ZNF644: variants seen among roughly 807,000 people sequenced by gnomAD.
ZNF644 encodes zinc finger protein 644.
Under a neutral mutation model 108.0 loss-of-function variants are expected in ZNF644, and 20 were observed. The ratio of observed to expected loss-of-function variants is 0.19; its 90% CI spans 0.13 to 0.27. The LOEUF (loss-of-function observed/expected upper bound fraction) is 0.27. Ranked by LOEUF, ZNF644 falls within the 10% of genes least tolerant of loss-of-function variation. The pLI is 1.00. For synonymous variants in ZNF644, 542 were observed against 539.1 expected (o/e 1.01, Z -0.08); for missense variants, 1,338 against 1,548.9 (o/e 0.86, Z 2.29).
intron 1 of ZNF644, chr1:91,020,897 T>G (rs1288649007): frequency 6.6e-6 from 1 of 152,224 alleles, no homozygotes; most frequent in Non-Finnish European, 1.5e-5. Flanking sequence ...CGCCCCCAAT[T>G]ATGTTTATCC....
At chr1:90,992,945 A>G (rs1657787407) in intron 1 of ZNF644, among the ~76,000 whole-genome samples, 1 of 152,104 alleles carries the variant, frequency 6.6e-6, no homozygotes, top group Non-Finnish European at 1.5e-5. Flanking sequence ...TCAAGAGGCC[A>G]AGGCAGGAGG....
chr1:90,946,201 T>C (rs17131246), intron 2 of ZNF644, among the ~76,000 whole-genome samples: 17,826 of 152,056 alleles, frequency 0.12, 1,086 homozygotes, highest in South Asian at 0.16. Flanking sequence ...TACAAACATA[T>C]ATACCTAAAT....
intron 2 of ZNF644, among the ~76,000 whole-genome samples, chr1:90,955,238 A>C (rs558180086): frequency 6.6e-6 from 1 of 152,346 alleles, no homozygotes; most frequent in South Asian, 2.1e-4. Context: ...TCATTTATAG[A>C]GCACAGGTAG....
intron 1 of ZNF644, among the ~76,000 whole-genome samples, chr1:90,987,595 CA>C (rs1210327622): frequency 6.6e-6 from 1 of 151,890 alleles, no homozygotes; most frequent in Non-Finnish European, 1.5e-5. Flanking sequence ...AGAATTCTAC[CA>C]GACATTTAAA....
intron 2 of ZNF644, among the ~76,000 whole-genome samples, 165 bp from the exon 3 acceptor site, chr1:90,941,474 T>C (rs1433909593): frequency 6.6e-6 from 1 of 152,138 alleles, no homozygotes; most frequent in African/African-American, 2.4e-5. Flanking sequence ...ATTGAAATAT[T>C]TAAAAAGCAC....
At chr1:91,018,540 T>TA (rs1660621258) in intron 1 of ZNF644, among the ~76,000 whole-genome samples, 1 of 152,194 alleles carries the variant, frequency 6.6e-6, no homozygotes, top group Non-Finnish European at 1.5e-5. Context: ...GAAAACAGTT[T>TA]AAAAAATGGT....
At chr1:91,004,936 A>G (rs1394609284) in intron 1 of ZNF644, among the ~76,000 whole-genome samples, 1 of 152,142 alleles carries the variant, frequency 6.6e-6, no homozygotes. Context: ...CCCAAAAAAC[A>G]ATGAGACACA....
At chr1:91,019,440 C>T (rs151243380) in intron 1 of ZNF644, among the ~76,000 whole-genome samples, 1 of 152,290 alleles carries the variant, frequency 6.6e-6, no homozygotes, top group African/African-American at 2.4e-5. Flanking sequence ...TGGGTCAAGA[C>T]TGCATTTGGA....
chr1:90,938,039 C>A lies in ZNF644; in HGVS notation c.3134G>T (p.Gly1045Val). 6.2e-7 allele frequency: 1 copy of A among 1,610,658 alleles called. No homozygotes were observed. Among genetic ancestry groups the A allele is most frequent in the Non-Finnish European group, 8.5e-7 (1 of 1,179,796 alleles). The stretch of plus-strand genomic sequence containing the variant: ...TAATCCAATTTTAGTATCAAACCAA[C>A]CACCACAGAGCTGACAAGTGTGTTC... ...TSEHTCQLCG[G>V]WFDTKIGLSN... is the part of the protein sequence containing the mutation. Residue 1045 changes from glycine (G) to valine (V), a missense_variant, in exon 4 of 6, where the codon GGT (glycine) becomes GTT (valine). By Grantham distance (109) the Gly-to-Val change is moderately radical. Around this residue, in one of 6 missense-constraint regions of ZNF644, gnomAD observed 287 missense variants for 310.9 expected, o/e 0.92. Transcript: ENST00000337393. This position sits in a 1 kb window ranked among gnomAD's most constrained non-coding sequence, Gnocchi z 4.2.
At chr1:90,957,193 C>T (rs1049424920) in intron 2 of ZNF644, among the ~76,000 whole-genome samples, 11 of 152,106 alleles carry the variant, frequency 7.2e-5, no homozygotes, top group African/African-American at 2.4e-4. Flanking sequence ...CAGGACTATG[C>T]GGTTTCACTG....
intron 5 of ZNF644, 46 bp downstream of exon 5, chr1:90,918,006 G>T: frequency 6.7e-7 from 1 of 1,492,598 alleles, no homozygotes; most frequent in Non-Finnish European, 9.4e-7. Context: ...ATGTTTCAAA[G>T]CAAAGTATGA....
chr1:90,994,640 A>G (rs1319726284), intron 1 of ZNF644, among the ~76,000 whole-genome samples: 4 of 152,256 alleles, frequency 2.6e-5, no homozygotes, highest in South Asian at 4.1e-4. Context: ...GCCTTTCAAC[A>G]GAGTGCATTC....
chr1:90,990,810 T>C (rs922980177), intron 1 of ZNF644, among the ~76,000 whole-genome samples: 8 of 152,162 alleles, frequency 5.3e-5, no homozygotes, highest in African/African-American at 1.9e-4. Flanking sequence ...ATCTCCTGAT[T>C]CACGTTAACA....
intron 1 of ZNF644, among the ~76,000 whole-genome samples, chr1:90,991,836 G>C (rs572638454): frequency 6.6e-6 from 1 of 152,252 alleles, no homozygotes; most frequent in South Asian, 2.1e-4. Flanking sequence ...ATTTGGTAGG[G>C]ACACAGAGCC....
chr1:91,017,898 G>A (rs1660570414), intron 1 of ZNF644, among the ~76,000 whole-genome samples: 1 of 152,174 alleles, frequency 6.6e-6, no homozygotes, highest in African/African-American at 2.4e-5. Flanking sequence ...AGAGGCAGAG[G>A]TTGCAGTGAG....
chr1:90,920,505 T>C (rs1388715628), intron 4 of ZNF644, among the ~76,000 whole-genome samples: 1 of 152,066 alleles, frequency 6.6e-6, no homozygotes, highest in Non-Finnish European at 1.5e-5. Context: ...GAAATGTTTA[T>C]TCTAAAATAC....
intron 1 of ZNF644, among the ~76,000 whole-genome samples, chr1:91,000,671 A>AGT (rs1658674048): frequency 2.0e-5 from 3 of 152,234 alleles, no homozygotes; most frequent in Non-Finnish European, 4.4e-5. Context: ...GAAAGCAAGA[A>AGT]ATAACTAAGA....
chr1:90,967,590 C>T (rs1188350499), intron 2 of ZNF644, among the ~76,000 whole-genome samples: 1 of 152,146 alleles, frequency 6.6e-6, no homozygotes, highest in Non-Finnish European at 1.5e-5. Flanking sequence ...AATGAAGGAA[C>T]ACAGACAACA....
Position 90,940,345 on chromosome 1 carries a change from A to C in ZNF644, c.1009T>G (p.Ser337Ala). Reference protein sequence around the residue: ...EQNEELQAVDSQKYALSKVKP... With the variant: ...EQNEELQAVDAQKYALSKVKP... ...ACTTTTGATAATGCATATTTCTGTGAGTCTACTGCTTGTAGCTCTTCATTT... is the reference window on the plus strand; with the variant it reads ...ACTTTTGATAATGCATATTTCTGTGCGTCTACTGCTTGTAGCTCTTCATTT... The change falls in exon 3 of 6, where the codon TCA becomes GCA. Residue 337 changes from serine to alanine, a missense_variant. By Grantham distance (99) the Ser-to-Ala change is moderately conservative. This residue lies in a region of ZNF644 where 464 missense variants were observed against 457.9 expected (regional missense o/e 1.01). Coordinates refer to ENST00000337393, the MANE Select transcript of ZNF644 (RefSeq NM_201269.3). 1 of 1,613,822 alleles carries C rather than the reference A, an allele frequency of 6.2e-7. No homozygotes were observed. Among genetic ancestry groups the C allele is most frequent in the South Asian group, 1.1e-5 (1 of 91,068 alleles).
Sources: gnomAD v4.1 joint callset for allele counts (sites outside exome capture counted in the v4.1 genomes callset) on GRCh38, gnomAD v4.1.1 for gene constraint, gnomAD v4.1.1 regional missense constraint, Gnocchi (gnomAD v3.1) non-coding constraint, MANE v1.5 for transcripts, NCBI Gene and HGNC (gene_info 2026-07-23, HGNC 2026-07-21) for gene names.